MACROD2: variants seen among roughly 807,000 people sequenced by gnomAD.
The protein encoded by MACROD2 is mono-ADP ribosylhydrolase 2.
A neutral mutation model predicts 70.4 loss-of-function variants in MACROD2; 36 were observed. The observed-to-expected ratio is 0.51, with a 90% CI of 0.39 to 0.68. MACROD2 has a LOEUF of 0.68. Ranked by LOEUF, MACROD2 falls within the 30% of genes least tolerant of loss-of-function variation. The pLI, the probability that MACROD2 is intolerant of heterozygous loss-of-function variation, is 0.00. For synonymous variants in MACROD2, 172 were observed against 178.8 expected (o/e 0.96, Z 0.30); for missense variants, 496 against 538.4 (o/e 0.92, Z 0.78).
chr20:14,982,242 A>G (rs957851839), intron 5 of MACROD2, among the ~76,000 whole-genome samples: 3 of 152,254 alleles, frequency 2.0e-5, no homozygotes. Context: ...TGACTTGGGT[A>G]CTCTTAAATG....
In MACROD2 at chr20:14,117,082, AAT is replaced by A. The variant is rs1372088431; in HGVS notation, c.271+31355_271+31356del. On this transcript the variant is annotated intron_variant, in intron 3 of 17. Coordinates refer to ENST00000684519, the MANE Select transcript of MACROD2 (RefSeq NM_001351661.2). ...CTCCATCTCAAAAAAAAAAAAAAAA[AAT>A]GTACAGCTTCTAATTTTACATGGCT... is the stretch of plus-strand genomic sequence containing the variant. 5.3e-5 allele frequency among the ~76,000 whole-genome samples: 8 copies of A among 150,632 alleles called. 1 individual carries two copies. The South Asian group carries it at 8.4e-4, about 16-fold the overall frequency.
intron 5 of MACROD2, among the ~76,000 whole-genome samples, chr20:15,035,947 G>GC (rs1331367363): frequency 7.9e-5 from 12 of 151,994 alleles, no homozygotes; most frequent in African/African-American, 2.7e-4. Context: ...AGCCAGGCAT[G>GC]CCAGCTGTCT....
At chr20:14,771,667 A>G (rs534132662) in intron 5 of MACROD2, among the ~76,000 whole-genome samples, 9 of 126,900 alleles carry the variant, frequency 7.1e-5, no homozygotes, top group African/African-American at 2.6e-4. Flanking sequence ...ACACACACAC[A>G]CACATATATA....
At chr20:15,544,047 A>G (rs1261696677) in intron 8 of MACROD2, among the ~76,000 whole-genome samples, 1 of 152,166 alleles carries the variant, frequency 6.6e-6, no homozygotes, top group Non-Finnish European at 1.5e-5. Context: ...GTGGGGAAGT[A>G]CAGTAAAGTC....
At chr20:15,238,063 G>A (rs373606034) in intron 6 of MACROD2, among the ~76,000 whole-genome samples, 4 of 152,286 alleles carry the variant, frequency 2.6e-5, no homozygotes, top group African/African-American at 9.6e-5. Flanking sequence ...ATAGCAAGGG[G>A]ACTTTACAAA....
At chr20:15,557,969 T>A (rs1268487429) in intron 8 of MACROD2, among the ~76,000 whole-genome samples, 1 of 152,160 alleles carries the variant, frequency 6.6e-6, no homozygotes, top group African/African-American at 2.4e-5. Context: ...ATAGTAATAA[T>A]CTAATGTGTG....
At chr20:14,667,160 C>T (rs2070744689) in intron 4 of MACROD2, among the ~76,000 whole-genome samples, 1 of 152,032 alleles carries the variant, frequency 6.6e-6, no homozygotes, top group African/African-American at 2.4e-5. Context: ...TGTTGCTTTG[C>T]TCTATAATAA....
At chr20:15,885,881 T>A in intron 10 of MACROD2, 70 bp downstream of exon 10, 2 of 1,389,524 alleles carry the variant, frequency 1.4e-6, no homozygotes, top group East Asian at 5.7e-5. Context: ...ACACTTCATA[T>A]TTTTTCAACG....
chr20:14,013,523 C>T (rs981875850), intron 2 of MACROD2, among the ~76,000 whole-genome samples: 26 of 152,138 alleles, frequency 1.7e-4, no homozygotes, highest in South Asian at 2.1e-4. Flanking sequence ...CTGCCCACCT[C>T]GGCCTCCCAA....
At chr20:15,715,336 A>G (rs1877167592) in intron 8 of MACROD2, among the ~76,000 whole-genome samples, 1 of 152,168 alleles carries the variant, frequency 6.6e-6, no homozygotes, top group Admixed American at 6.5e-5. Context: ...TCTACCAAAG[A>G]GAATAGTATT....
chr20:14,946,184 A>G (rs889195424), intron 5 of MACROD2, among the ~76,000 whole-genome samples: 5 of 149,460 alleles, frequency 3.3e-5, no homozygotes, highest in African/African-American at 1.0e-4. Flanking sequence ...GGGTGACAAG[A>G]ACAAAACTCT....
chr20:14,324,160 A>T lies in MACROD2; in HGVS notation c.272-169319A>T, dbSNP rs574939647. Reference sequence around the variant, plus strand: ...TTTTTAAAAGTTTTATTCAGCAATAAGACCATAATTTTTCATATTTAAGGA... The same window carrying T: ...TTTTTAAAAGTTTTATTCAGCAATATGACCATAATTTTTCATATTTAAGGA... On this transcript the variant is annotated intron_variant, in intron 3 of 17. Transcript: ENST00000684519. 13 of 152,782 alleles carry T rather than the reference A, an allele frequency of 8.5e-5. No individual in the cohort carries two copies. In the East Asian group the frequency reaches 2.5e-3, roughly 29 times the overall value. The allele number at this position is 152,782 out of a possible 1,614,324, so 9.5% of individuals were successfully genotyped here.
intron 5 of MACROD2, among the ~76,000 whole-genome samples, chr20:15,208,458 G>T (rs975131974): frequency 6.6e-6 from 1 of 152,096 alleles, no homozygotes; most frequent in African/African-American, 2.4e-5. Flanking sequence ...AGATTTTCCT[G>T]GTTCTTGGTA....
At chr20:15,479,197 C>G (rs2047061114) in intron 7 of MACROD2, among the ~76,000 whole-genome samples, 1 of 151,910 alleles carries the variant, frequency 6.6e-6, no homozygotes, top group Non-Finnish European at 1.5e-5. Context: ...GCATGGCCTT[C>G]CCTTTGCTAG....
intron 4 of MACROD2, among the ~76,000 whole-genome samples, chr20:14,551,551 C>A (rs1473973616): frequency 6.6e-6 from 1 of 152,110 alleles, no homozygotes; most frequent in Non-Finnish European, 1.5e-5. Flanking sequence ...TGCCAGGTGG[C>A]CTGGTGTACA....
chr20:14,530,510 G>T (rs2085290225), intron 4 of MACROD2, among the ~76,000 whole-genome samples: 1 of 152,112 alleles, frequency 6.6e-6, no homozygotes, highest in South Asian at 2.1e-4. Flanking sequence ...CCTGCACACT[G>T]CTTACATTCA....
intron 8 of MACROD2, among the ~76,000 whole-genome samples, chr20:15,517,212 C>T (rs1395675898): frequency 6.6e-6 from 1 of 152,154 alleles, no homozygotes; most frequent in Non-Finnish European, 1.5e-5. Context: ...GCCTCCTTGG[C>T]CTCTGACTCC....
chr20:15,499,351 C>A (rs1363234680), intron 7 of MACROD2, among the ~76,000 whole-genome samples: 3 of 152,124 alleles, frequency 2.0e-5, no homozygotes, highest in Non-Finnish European at 2.9e-5. Flanking sequence ...GGCCTTGTGA[C>A]TGGCAGAACT....
At chr20:14,482,761 A>C (rs926836936) in intron 3 of MACROD2, among the ~76,000 whole-genome samples, 3 of 152,242 alleles carry the variant, frequency 2.0e-5, no homozygotes, top group Non-Finnish European at 2.9e-5. Context: ...TAGTTTAAAA[A>C]AGAGAAATAC....
Sources: allele counts gnomAD v4.1 joint callset (sites outside exome capture counted in the v4.1 genomes callset), GRCh38; gene constraint gnomAD v4.1.1; transcripts MANE v1.5; gene names NCBI Gene and HGNC (gene_info 2026-07-23, HGNC 2026-07-21).